Variants in COL25A1 observed in about 807,000 individuals in gnomAD.
COL25A1 encodes the protein collagen alpha-1(XXV) chain.
COL25A1 carries 103 observed loss-of-function variants against 128.4 expected under a neutral mutation model. That is an observed-to-expected ratio of 0.80 (90% confidence interval 0.68 to 0.94). The LOEUF (loss-of-function observed/expected upper bound fraction) is 0.94. Among genes scored for constraint, COL25A1 ranks in the 40% least tolerant of loss-of-function variants. COL25A1 has a pLI of 0.00. For synonymous variants in COL25A1, 279 were observed against 277.2 expected, an observed-to-expected ratio of 1.01 and a Z score of -0.06; for missense variants, 745 against 840.0, an observed-to-expected ratio of 0.89 and a Z score of 1.40.
intron 3 of COL25A1, among the ~76,000 whole-genome samples, chr4:109,291,827 C>A (rs190875603): frequency 6.6e-6 from 1 of 151,976 alleles, no homozygotes; most frequent in African/African-American, 2.4e-5. Flanking sequence ...ATTTTTCTAA[C>A]GAACAGTACC....
chr4:108,972,963 T>A (rs990351190), intron 8 of COL25A1, among the ~76,000 whole-genome samples: 1 of 152,194 alleles, frequency 6.6e-6, no homozygotes, highest in Non-Finnish European at 1.5e-5. Flanking sequence ...CACACCTTTT[T>A]GAAAATGAGG....
chr4:109,198,841 G>A (rs978853995), intron 3 of COL25A1, among the ~76,000 whole-genome samples: 1 of 151,488 alleles, frequency 6.6e-6, no homozygotes, highest in African/African-American at 2.5e-5. Context: ...AAGAATCTCA[G>A]ATTCATGAGA....
intron 11 of COL25A1, among the ~76,000 whole-genome samples, chr4:108,931,092 A>C (rs1746680946): frequency 6.6e-6 from 1 of 152,214 alleles, no homozygotes; most frequent in African/African-American, 2.4e-5. Flanking sequence ...TGACAACTAG[A>C]TAAGTTGATT....
intron 3 of COL25A1, among the ~76,000 whole-genome samples, chr4:109,129,835 C>CT (rs1227428720): frequency 6.6e-6 from 1 of 152,070 alleles, no homozygotes; most frequent in Non-Finnish European, 1.5e-5. Context: ...AGGAAAGTCT[C>CT]TAAGTTGTCT....
intron 3 of COL25A1, among the ~76,000 whole-genome samples, chr4:109,081,860 C>T (rs767115784): frequency 3.1e-4 from 47 of 152,082 alleles, no homozygotes; most frequent in African/African-American, 1.0e-3. Context: ...TGTGCCACCA[C>T]GCCCGGCTAA....
intron 6 of COL25A1, among the ~76,000 whole-genome samples, chr4:109,005,912 T>G (rs1330142716): frequency 6.6e-6 from 1 of 152,164 alleles, no homozygotes; most frequent in African/African-American, 2.4e-5. Flanking sequence ...CCAGTTATGT[T>G]GAATTGTACA....
rs1057082820 is a variant in COL25A1, at chr4:108,949,609, C to T, written c.493-8172G>A. ...AGTGCAGTGGCACGATCTCGGCTCACTGCAACCTCTACCTCCTGGGTTCAA... is the reference window on the plus strand; with the variant it reads ...AGTGCAGTGGCACGATCTCGGCTCATTGCAACCTCTACCTCCTGGGTTCAA... On this transcript the variant is annotated intron_variant, in intron 8 of 37. Coordinates refer to ENST00000399132, the MANE Select transcript of COL25A1 (RefSeq NM_198721.4). Among the ~76,000 whole-genome samples the T allele has an allele frequency of 1.3e-4, 19 of 151,964 alleles. 1 individual carries two copies. The highest frequency in any genetic ancestry group is 4.6e-4 in the African/African-American group (19 of 41,368).
At chr4:108,823,931 A>G in intron 35 of COL25A1, 6 of 1,407,334 alleles carry the variant, frequency 4.3e-6, no homozygotes, top group Non-Finnish European at 4.6e-6. Context: ...TGGTTGAAAA[A>G]CTGTAGCTAG....
intron 3 of COL25A1, among the ~76,000 whole-genome samples, chr4:109,258,218 C>T (rs541526466): frequency 1.2e-3 from 176 of 152,320 alleles, no homozygotes; most frequent in African/African-American, 4.1e-3. Flanking sequence ...ATTCCTAAAA[C>T]ACTGTTTTGA....
intron 3 of COL25A1, among the ~76,000 whole-genome samples, chr4:109,160,827 T>A (rs536020601): frequency 1.3e-4 from 20 of 152,314 alleles, no homozygotes; most frequent in Middle Eastern, 3.4e-3. Context: ...AACTAAAGTT[T>A]TTAAATGAGC....
intron 13 of COL25A1, among the ~76,000 whole-genome samples, chr4:108,912,930 TA>T (rs1415110062): frequency 6.6e-6 from 1 of 152,186 alleles, no homozygotes; most frequent in African/African-American, 2.4e-5. Context: ...TAATGTTACT[TA>T]AAAATCACTT....
At chr4:108,875,045 C>G (rs180997636) in intron 19 of COL25A1, among the ~76,000 whole-genome samples, 2 of 152,258 alleles carry the variant, frequency 1.3e-5, no homozygotes, top group African/African-American at 2.4e-5. Context: ...TGGGATTCCT[C>G]ACATTGGTGC....
intron 24 of COL25A1, among the ~76,000 whole-genome samples, chr4:108,857,154 T>G (rs187889173): frequency 7.4e-4 from 113 of 152,248 alleles, no homozygotes; most frequent in Admixed American, 1.2e-3. Flanking sequence ...AGAAAGTAGA[T>G]ACCTCTTAAA....
chr4:108,819,788 G>A (rs537672652), intron 35 of COL25A1: 860 of 1,174,452 alleles, frequency 7.3e-4, no homozygotes, highest in Admixed American at 3.0e-3. Flanking sequence ...AACATCTGGA[G>A]ACAGTTCCAC....
chr4:109,238,928 G>C (rs1344429141), intron 3 of COL25A1, among the ~76,000 whole-genome samples: 1 of 151,964 alleles, frequency 6.6e-6, no homozygotes, highest in Non-Finnish European at 1.5e-5. Flanking sequence ...GCAGACTGGT[G>C]GGGGTAGGAG....
At chr4:109,130,222 G>A (rs897101049) in intron 3 of COL25A1, among the ~76,000 whole-genome samples, 1 of 152,076 alleles carries the variant, frequency 6.6e-6, no homozygotes, top group African/African-American at 2.4e-5. Flanking sequence ...ATCAACAGAA[G>A]AGTTTAAATT....
At chr4:109,090,624 T>G (rs1468142759) in intron 3 of COL25A1, among the ~76,000 whole-genome samples, 1 of 152,204 alleles carries the variant, frequency 6.6e-6, no homozygotes, top group Non-Finnish European at 1.5e-5. Flanking sequence ...TGTAAATGAG[T>G]GCTATTTTTT....
At chr4:109,178,517 GTTTTCT>G (rs1287723644) in intron 3 of COL25A1, among the ~76,000 whole-genome samples, 1 of 152,074 alleles carries the variant, frequency 6.6e-6, no homozygotes, top group East Asian at 1.9e-4. Context: ...GTAAGCCTCA[GTTTTCT>G]CATCTAAAAA....
At chr4:108,836,112 C>T (rs985484970) in intron 31 of COL25A1, among the ~76,000 whole-genome samples, 1 of 151,392 alleles carries the variant, frequency 6.6e-6, no homozygotes, top group Non-Finnish European at 1.5e-5. Flanking sequence ...CCTGGTGATC[C>T]GCCCACCTCG....
Sources: gnomAD v4.1 joint callset for allele counts (sites outside exome capture counted in the v4.1 genomes callset) on GRCh38, gnomAD v4.1.1 for gene constraint, MANE v1.5 for transcripts, NCBI Gene and HGNC (gene_info 2026-07-23, HGNC 2026-07-21) for gene names.